KHDRBS1: variants seen among roughly 807,000 people sequenced by gnomAD.
KHDRBS1 encodes KH domain-containing, RNA-binding, signal transduction-associated protein 1.
A neutral mutation model predicts 48.4 loss-of-function variants in KHDRBS1; 7 were observed. The ratio of observed to expected loss-of-function variants is 0.14; its 90% CI spans 0.08 to 0.27. The LOEUF is 0.27. Among genes scored for constraint, KHDRBS1 ranks in the 10% least tolerant of loss-of-function variants. The pLI, the probability that KHDRBS1 is intolerant of heterozygous loss-of-function variation, is 1.00. For missense variants in KHDRBS1, 458 were observed against 601.2 expected (o/e 0.76, Z 2.49); for synonymous variants, 241 against 235.8 (o/e 1.02, Z -0.20).
chr1:32,039,495 A>G lies in KHDRBS1; in HGVS notation c.1176-20A>G, dbSNP rs760141128. ...CATAGTTACTCTGTAGCTTCCTAAC[A>G]CTCTGCCTTTGGCTTTCAGGGACTC... On this transcript the variant is annotated intron_variant, in intron 7 of 8. Transcript: ENST00000327300. 11 of 1,207,522 alleles carry G rather than the reference A, an allele frequency of 9.1e-6. No homozygotes were observed. The highest frequency in any genetic ancestry group is 1.4e-5 in the Non-Finnish European group (11 of 808,868). The allele number at this position is 1,207,522 out of a possible 1,614,324, so 74.8% of individuals were successfully genotyped here. A position where few individuals can be genotyped will look rare whatever the true frequency, so the allele number is the denominator to read the frequency against.
At chr1:32,020,740 A>G (rs912873424) in intron 1 of KHDRBS1, among the ~76,000 whole-genome samples, 2 of 152,336 alleles carry the variant, frequency 1.3e-5, no homozygotes, top group Middle Eastern at 3.4e-3. Context: ...TTAATATAAC[A>G]TTCTTGAAGA....
intron 5 of KHDRBS1, among the ~76,000 whole-genome samples, chr1:32,037,349 C>A (rs556718076): frequency 6.6e-6 from 1 of 150,982 alleles, no homozygotes; most frequent in African/African-American, 2.4e-5. Flanking sequence ...GAGGCTGGGG[C>A]AAGAGAATTG....
At chr1:32,038,133 AC>A in intron 6 of KHDRBS1, 97 bp downstream of exon 6, 1 of 1,536,534 alleles carries the variant, frequency 6.5e-7, no homozygotes, top group Non-Finnish European at 8.8e-7. Flanking sequence ...GGTGTCATGG[AC>A]TGCCTGTAAG....
At chr1:32,036,040 A>T (rs1040605505) in intron 4 of KHDRBS1, among the ~76,000 whole-genome samples, 28 of 152,136 alleles carry the variant, frequency 1.8e-4, no homozygotes, top group African/African-American at 6.5e-4. Context: ...TTCTGAATTC[A>T]CATCTAGAGT....
In KHDRBS1 at chr1:32,057,314, G is replaced by A. The variant is rs149930916; in HGVS notation, n.1302-2849G>A. ...TCCACCTCAGCCTCCCAAGTAACTG[G>A]GACTATAGGCAGGTGGCTAATTTTT... is the stretch of plus-strand genomic sequence containing the variant. On this transcript the variant is annotated intron_variant and non_coding_transcript_variant, in intron 10 of 10. Coordinates refer to the KHDRBS1 transcript ENST00000484270. 4.4e-3 allele frequency among the ~76,000 whole-genome samples: 672 copies of A among 152,070 alleles called. 3 individuals are homozygous for A. Among genetic ancestry groups the A allele is most frequent in the Middle Eastern group, 0.024 (7 of 294 alleles).
rs1328351351 is a variant in KHDRBS1, at chr1:32,013,879, T to G, written c.-117T>G. 2 of 983,218 alleles carry G rather than the reference T, an allele frequency of 2.0e-6. No homozygotes were observed. The highest frequency in any genetic ancestry group is 2.7e-6 in the Non-Finnish European group (2 of 742,044). 60.9% of individuals were successfully genotyped at this position (983,218 alleles called of 1,614,324 possible). On this transcript the variant is annotated 5_prime_UTR_variant, in exon 1 of 9. Transcript: ENST00000327300. ...ATTTCCGGTGCTCTCTCTCGCTGGG[T>G]CGCTCGGGTCGGCTTCGGTCGCTAC...
intron 1 of KHDRBS1, among the ~76,000 whole-genome samples, chr1:32,021,946 C>G (rs1184193144): frequency 6.6e-6 from 1 of 150,974 alleles, no homozygotes; most frequent in Non-Finnish European, 1.5e-5. Context: ...GCACCACACC[C>G]AGCGGCACAT....
intron 10 of KHDRBS1, among the ~76,000 whole-genome samples, chr1:32,059,540 TAAA>T (rs77286462): frequency 2.2e-5 from 3 of 139,502 alleles, no homozygotes; most frequent in Admixed American, 7.3e-5. Flanking sequence ...ACTCTTTCTT[TAAA>T]AAAAAAAAAA....
intron 10 of KHDRBS1, among the ~76,000 whole-genome samples, chr1:32,055,443 C>T (rs1332493578): frequency 6.6e-6 from 1 of 152,058 alleles, no homozygotes; most frequent in Non-Finnish European, 1.5e-5. Flanking sequence ...AATAAGACTC[C>T]GTCTCCAAAA....
At position 32,028,713 on chromosome 1, in the gene KHDRBS1, G is replaced by T. The variant is rs569048632; in HGVS notation, c.383-1585G>T. ...GTAGAGATGGGGTTTCACCGTGTTA[G>T]CCAGGATGGTCTCGATTTCCAGACC... On this transcript the variant is annotated intron_variant, in intron 1 of 8. Coordinates refer to ENST00000327300, the MANE Select transcript of KHDRBS1 (RefSeq NM_006559.3). Among the ~76,000 whole-genome samples the T allele has an allele frequency of 6.0e-5, 9 of 151,248 alleles. No individual in the cohort carries two copies. The South Asian group carries it at 1.9e-3, about 32-fold the overall frequency.
At chr1:32,049,286 CT>C (rs1639390404) in intron 10 of KHDRBS1, among the ~76,000 whole-genome samples, 1 of 152,068 alleles carries the variant, frequency 6.6e-6, no homozygotes, top group Non-Finnish European at 1.5e-5. Context: ...GAACTCGTGA[CT>C]TCAGGTGATC....
At chr1:32,049,203 G>T (rs1027288908) in intron 10 of KHDRBS1, among the ~76,000 whole-genome samples, 2 of 151,824 alleles carry the variant, frequency 1.3e-5, no homozygotes, top group African/African-American at 4.8e-5. Flanking sequence ...TTATAGGCAC[G>T]CGCCTCCATG....
intron 10 of KHDRBS1, among the ~76,000 whole-genome samples, chr1:32,056,011 G>A (rs1208642414): frequency 6.6e-6 from 1 of 152,104 alleles, no homozygotes; most frequent in African/African-American, 2.4e-5. Context: ...TTCGTATACA[G>A]CTCTCTTCTA....
At chr1:32,054,196 T>C (rs1184250053) in intron 10 of KHDRBS1, among the ~76,000 whole-genome samples, 1 of 152,216 alleles carries the variant, frequency 6.6e-6, no homozygotes, top group Non-Finnish European at 1.5e-5. Context: ...TTGGACTTTA[T>C]TCTAAAGTTT....
At chr1:32,017,916 A>G (rs1393652327) in intron 1 of KHDRBS1, among the ~76,000 whole-genome samples, 1 of 151,770 alleles carries the variant, frequency 6.6e-6, no homozygotes, top group Admixed American at 6.6e-5. Flanking sequence ...CTATTTTTCT[A>G]CTTTCTACAA....
At chr1:32,019,528 T>C (rs1638813572) in intron 1 of KHDRBS1, among the ~76,000 whole-genome samples, 1 of 147,720 alleles carries the variant, frequency 6.8e-6, no homozygotes, top group Non-Finnish European at 1.5e-5. Flanking sequence ...AAACTCAATC[T>C]CAAAAAAAAA....
At chr1:32,045,474 G>A (rs1336599813), downstream of KHDRBS1, 1 of 152,594 alleles carries the variant, frequency 6.6e-6, no homozygotes, top group Non-Finnish European at 1.5e-5. Flanking sequence ...GGCCTGTAAG[G>A]TGGTCAATGG....
chr1:32,038,070 A>T, intron 6 of KHDRBS1, 34 bp downstream of exon 6: 1 of 1,609,842 alleles, frequency 6.2e-7, no homozygotes, highest in South Asian at 1.1e-5. Flanking sequence ...ATTTCCCAGT[A>T]CCTAGAAGGC....
downstream of KHDRBS1, among the ~76,000 whole-genome samples, chr1:32,047,074 G>C (rs1355769605): frequency 6.6e-6 from 1 of 152,218 alleles, no homozygotes; most frequent in Non-Finnish European, 1.5e-5. Flanking sequence ...ACCTAGGCCT[G>C]CTGGTGTTCT....
Sources: allele counts gnomAD v4.1 joint callset (sites outside exome capture counted in the v4.1 genomes callset), GRCh38; gene constraint gnomAD v4.1.1; transcripts MANE v1.5; gene names NCBI Gene and HGNC (gene_info 2026-07-23, HGNC 2026-07-21).